MARCHF1: variants seen among roughly 807,000 people sequenced by gnomAD.
MARCHF1 encodes the protein E3 ubiquitin-protein ligase MARCHF1.
Under a neutral mutation model 54.2 loss-of-function variants are expected in MARCHF1, and 40 were observed. The ratio of observed to expected loss-of-function variants is 0.74; its 90% CI spans 0.57 to 0.96. The LOEUF (loss-of-function observed/expected upper bound fraction) is 0.96, where lower values mean the gene tolerates loss of function less well. MARCHF1 is among the 40% of genes least tolerant of loss of function. The probability of loss-of-function intolerance (pLI) is 0.00; values close to 1 mark genes in which losing one functional copy is unlikely to be tolerated. For synonymous variants in MARCHF1, 236 were observed against 236.3 expected, an observed-to-expected ratio of 1.00 and a Z score of 0.01; for missense variants, 586 against 656.5, an observed-to-expected ratio of 0.89 and a Z score of 1.17.
At position 164,119,593 on chromosome 4, in the gene MARCHF1, T is replaced by G. The variant is rs542309833; in HGVS notation, c.-322-7931A>C. On this transcript the variant is annotated intron_variant, in intron 1 of 9. Transcript: ENST00000514618. ...TGTTTGGTGACAATTAATAAAAACA[T>G]GAGCCAAACTAATACATAAAATAAA... Among the ~76,000 whole-genome samples, 7 of 151,542 alleles carry G rather than the reference T, an allele frequency of 4.6e-5. No individual in the cohort carries two copies. The South Asian group carries it at 1.5e-3, about 31-fold the overall frequency.
At chr4:164,289,025 C>T (rs1474836171) in intron 1 of MARCHF1, among the ~76,000 whole-genome samples, 1 of 151,940 alleles carries the variant, frequency 6.6e-6, no homozygotes. Flanking sequence ...AGCTTTGGAA[C>T]GTTTCAGATA....
chr4:163,845,609 TAAAC>T (rs1241775465), intron 4 of MARCHF1, among the ~76,000 whole-genome samples: 1 of 151,914 alleles, frequency 6.6e-6, no homozygotes, highest in African/African-American at 2.4e-5. Context: ...ATAGCAGAAT[TAAAC>T]AACCCATAAG....
chr4:164,208,193 G>A (rs1377032543), intron 1 of MARCHF1, among the ~76,000 whole-genome samples: 1 of 152,150 alleles, frequency 6.6e-6, no homozygotes, highest in African/African-American at 2.4e-5. Flanking sequence ...GAGGCAGGGA[G>A]GGGCCCAGGC....
chr4:164,327,001 A>G (rs368082636), intron 1 of MARCHF1, among the ~76,000 whole-genome samples: 1,187 of 67,714 alleles, frequency 0.018, 13 homozygotes, highest in African/African-American at 0.067. Flanking sequence ...GTGTGTGTGT[A>G]TGACTTAGAA....
In MARCHF1 at chr4:164,357,959, C is replaced by T. The variant is rs568215131; in HGVS notation, c.-323+25911G>A. 6.6e-5 allele frequency among the ~76,000 whole-genome samples: 10 copies of T among 152,112 alleles called. No homozygotes were observed. The South Asian group carries it at 8.3e-4, about 13-fold the overall frequency. ...ATTCTCCCACAGAGCTGTAGATTTTCGGTGATCAGGTGACAGATGACAAGG... is the reference window on the plus strand; with the variant it reads ...ATTCTCCCACAGAGCTGTAGATTTTTGGTGATCAGGTGACAGATGACAAGG... On this transcript the variant is annotated intron_variant, in intron 1 of 9. Coordinates refer to ENST00000514618, the MANE Select transcript of MARCHF1 (RefSeq NM_001394959.1).
At chr4:164,151,855 G>A (rs548956917) in intron 1 of MARCHF1, among the ~76,000 whole-genome samples, 68 of 152,118 alleles carry the variant, frequency 4.5e-4, no homozygotes, top group Non-Finnish European at 5.3e-4. Context: ...TCTACTTCAT[G>A]TGTTTATAGA....
At chr4:163,916,066 C>T (rs1413800435) in intron 3 of MARCHF1, among the ~76,000 whole-genome samples, 3 of 152,164 alleles carry the variant, frequency 2.0e-5, no homozygotes, top group Non-Finnish European at 4.4e-5. Context: ...TTTGAATCTG[C>T]TGTAAACTGC....
intron 5 of MARCHF1, among the ~76,000 whole-genome samples, chr4:163,649,997 G>T (rs17044007): frequency 0.09 from 13,669 of 151,978 alleles, 770 homozygotes; most frequent in African/African-American, 0.13. Context: ...AAATAGTCCT[G>T]GGTAGATCTT....
At chr4:164,185,987 G>C (rs972051385) in intron 1 of MARCHF1, among the ~76,000 whole-genome samples, 1 of 152,118 alleles carries the variant, frequency 6.6e-6, no homozygotes, top group African/African-American at 2.4e-5. Flanking sequence ...TCTGCCTCTG[G>C]GTTCAAGTGA....
chr4:164,085,564 C>T (rs1755176333), intron 2 of MARCHF1, among the ~76,000 whole-genome samples: 1 of 151,818 alleles, frequency 6.6e-6, no homozygotes, highest in African/African-American at 2.4e-5. Flanking sequence ...ATGTTCTCAA[C>T]AATAGCACAT....
At chr4:163,692,197 G>A (rs1274070030) in intron 5 of MARCHF1, among the ~76,000 whole-genome samples, 1 of 152,174 alleles carries the variant, frequency 6.6e-6, no homozygotes, top group Non-Finnish European at 1.5e-5. Context: ...TATATTTGTT[G>A]AGTGTGTCCT....
At chr4:163,534,451 ACTT>A (rs3839196) in intron 9 of MARCHF1, among the ~76,000 whole-genome samples, 63,840 of 151,638 alleles carry the variant, frequency 0.42, 14,017 homozygotes, top group Admixed American at 0.54. Context: ...GTAACTCTGA[ACTT>A]CTTAATAAAA....
intron 5 of MARCHF1, among the ~76,000 whole-genome samples, chr4:163,685,128 G>A (rs192161165): frequency 1.3e-5 from 2 of 152,228 alleles, no homozygotes; most frequent in African/African-American, 2.4e-5. Flanking sequence ...AAAAATGATG[G>A]ACAGTAGGTC....
chr4:163,719,050 C>CT (rs1208069692), intron 4 of MARCHF1, among the ~76,000 whole-genome samples: 2 of 152,024 alleles, frequency 1.3e-5, no homozygotes, highest in African/African-American at 4.8e-5. Context: ...ATTTATTATA[C>CT]TTTAAGTTCT....
chr4:164,331,926 T>C (rs183468709), intron 1 of MARCHF1, among the ~76,000 whole-genome samples: 64 of 152,308 alleles, frequency 4.2e-4, no homozygotes, highest in Non-Finnish European at 7.8e-4. Flanking sequence ...ACATGTATAG[T>C]CCTAGTCCCA....
Position 164,102,896 on chromosome 4 carries a change from C to T in MARCHF1, c.-248+8692G>A, listed in dbSNP as rs967876020. 2.1e-5 allele frequency among the ~76,000 whole-genome samples: 2 copies of T among 94,074 alleles called. 1 individual carries two copies. The highest frequency in any genetic ancestry group is 9.4e-5 in the African/African-American group (2 of 21,290). 61.7% of individuals were successfully genotyped at this position (94,074 alleles called of 152,430 possible). A position where few individuals can be genotyped will look rare whatever the true frequency, so the allele number is the denominator to read the frequency against. On this transcript the variant is annotated intron_variant, in intron 2 of 9. Transcript: ENST00000514618. Reference sequence around the variant, plus strand: ...TCTCACGTGCGGAGACACACGTAGGCTCAAAATAAAAGGATGGAGGAAGAT... The same window carrying T: ...TCTCACGTGCGGAGACACACGTAGGTTCAAAATAAAAGGATGGAGGAAGAT...
chr4:163,905,112 C>T (rs1049912973), intron 3 of MARCHF1, among the ~76,000 whole-genome samples: 3 of 151,954 alleles, frequency 2.0e-5, no homozygotes, highest in Non-Finnish European at 4.4e-5. Flanking sequence ...ACTTTGATAC[C>T]TTGGCAGAGC....
At chr4:163,719,790 A>G (rs1287056833) in intron 4 of MARCHF1, among the ~76,000 whole-genome samples, 2 of 152,130 alleles carry the variant, frequency 1.3e-5, no homozygotes, top group Non-Finnish European at 2.9e-5. Flanking sequence ...AGTGATGATG[A>G]GCATTTTTTC....
At chr4:164,252,424 C>T (rs546604855) in intron 1 of MARCHF1, among the ~76,000 whole-genome samples, 12 of 152,238 alleles carry the variant, frequency 7.9e-5, no homozygotes, top group African/African-American at 2.6e-4. Flanking sequence ...ACACAGAAAG[C>T]TTCAACCAAG....
Sources: allele counts gnomAD v4.1 joint callset (sites outside exome capture counted in the v4.1 genomes callset), GRCh38; gene constraint gnomAD v4.1.1; transcripts MANE v1.5; gene names NCBI Gene and HGNC (gene_info 2026-07-23, HGNC 2026-07-21).